Variants in ALX1 observed in about 807,000 individuals in gnomAD.
The protein encoded by ALX1 is ALX homeobox protein 1.
In ALX1, 19 loss-of-function variants were observed where a neutral mutation model predicts 31.7. That is an observed-to-expected ratio of 0.60 (90% confidence interval 0.42 to 0.88). The LOEUF is 0.88. Among genes scored for constraint, ALX1 ranks in the 40% least tolerant of loss-of-function variants. The pLI is 0.00. For missense variants in ALX1, 415 were observed against 407.8 expected (o/e 1.02, Z -0.15); for synonymous variants, 153 against 148.8 (o/e 1.03, Z -0.20).
Position 85,301,663 on chromosome 12 carries a change from A to G in ALX1, c.*188A>G. ...AAGAATGAACCTCTGAAAAGACTAA[A>G]TAGGTTTACCATGTGCCAGTCTCCA... On this transcript the variant is annotated 3_prime_UTR_variant, in exon 4 of 4. Coordinates refer to ENST00000316824, the MANE Select transcript of ALX1 (RefSeq NM_006982.3). The G allele has an allele frequency of 1.5e-6, 1 of 685,592 alleles. No homozygotes were observed. The highest frequency in any genetic ancestry group is 2.0e-5 in the South Asian group (1 of 50,932). 42.5% of individuals were successfully genotyped at this position (685,592 alleles called of 1,614,324 possible). A position where few individuals can be genotyped will look rare whatever the true frequency, so the allele number is the denominator to read the frequency against.
intron 3 of ALX1, among the ~76,000 whole-genome samples, chr12:85,292,925 A>C (rs1896837524): frequency 6.6e-6 from 1 of 150,878 alleles, no homozygotes; most frequent in African/African-American, 2.4e-5. Flanking sequence ...TGAAGTAAAC[A>C]AACCAAAATC....
Position 85,301,338 on chromosome 12 carries a change from AC to A in ALX1, c.845del (p.Thr282MetfsTer32). ...CCACGTGCCCCTCAACAATTTTTTC[AC>A]TGACTCTCTTCTTACTGGGGCAACC... ...FSHVPLNNFF[T>X]DSLLTGATNG... On this transcript the variant is annotated frameshift_variant, in exon 4 of 4. Coordinates refer to ENST00000316824, the MANE Select transcript of ALX1 (RefSeq NM_006982.3). LOFTEE classifies it high-confidence loss of function. 6.2e-7 allele frequency: 1 copy of A among 1,614,088 alleles called. No individual in the cohort carries two copies. Among genetic ancestry groups the A allele is most frequent in the Non-Finnish European group, 8.5e-7 (1 of 1,179,974 alleles).
intron 3 of ALX1, among the ~76,000 whole-genome samples, chr12:85,299,391 A>C (rs1342520670): frequency 8.6e-5 from 13 of 151,614 alleles, no homozygotes; most frequent in African/African-American, 3.1e-4. Context: ...CATATAGTAG[A>C]ATGAGCCAGA....
intron 2 of ALX1, 21 bp downstream of exon 2, chr12:85,283,897 T>A (rs759784242): frequency 6.2e-7 from 1 of 1,612,164 alleles, no homozygotes; most frequent in African/African-American, 1.3e-5. Context: ...AAAAGAGGCC[T>A]TGATGGATGG....
rs141417534 is a variant in ALX1, at chr12:85,290,264, A to G, written c.660+3283A>G. On this transcript the variant is annotated intron_variant, in intron 3 of 3. Coordinates refer to ENST00000316824, the MANE Select transcript of ALX1 (RefSeq NM_006982.3). ...GTAACAGTAAAAATAATTACTAATA[A>G]TTGGGGGCATATTTAAAGCCAGACA... Among the ~76,000 whole-genome samples, 616 of 151,146 alleles carry G rather than the reference A, an allele frequency of 4.1e-3. 2 individuals are homozygous for G. Among genetic ancestry groups the G allele is most frequent in the African/African-American group, 0.014 (586 of 41,424 alleles).
At position 85,301,283 on chromosome 12, in the gene ALX1, G is replaced by A. The variant is rs1376568687; in HGVS notation, c.789G>A (p.Thr263=). ...SHSPRTDSSY[T]GFSNHQNQFS... ...CGCCTCGGACAGATTCCAGTTACAC[G>A]GGGTTTTCAAACCACCAGAACCAGT... Residue 263 remains threonine (T), a synonymous_variant, in exon 4 of 4, where the codon ACG becomes ACA. Coordinates refer to ENST00000316824, the MANE Select transcript of ALX1 (RefSeq NM_006982.3). 2.5e-6 allele frequency: 4 copies of A among 1,613,794 alleles called. No individual in the cohort carries two copies. Among genetic ancestry groups the A allele is most frequent in the South Asian group, 2.2e-5 (2 of 91,074 alleles).
intron 3 of ALX1, among the ~76,000 whole-genome samples, chr12:85,293,594 CTG>C (rs1896847665): frequency 6.6e-6 from 1 of 151,022 alleles, no homozygotes; most frequent in East Asian, 1.9e-4. Flanking sequence ...TCTAATGTGA[CTG>C]TACACAGTAA....
At chr12:85,284,195 C>T (rs1034005270) in intron 2 of ALX1, among the ~76,000 whole-genome samples, 2 of 147,480 alleles carry the variant, frequency 1.4e-5, no homozygotes, top group Non-Finnish European at 3.0e-5. Context: ...AGAATCATGA[C>T]TATTTAGTAA....
intron 2 of ALX1, among the ~76,000 whole-genome samples, chr12:85,286,231 A>G (rs1024973153): frequency 2.6e-5 from 4 of 151,842 alleles, no homozygotes; most frequent in Non-Finnish European, 5.9e-5. Context: ...CTTTTTACCT[A>G]TAATTCTTGT....
rs558464126 is a variant in ALX1 at position 85,288,522 on chromosome 12, C to T, written c.660+1541C>T. Reference sequence around the variant, plus strand: ...GTGCCGTTAGTTTCTAAACAAAATTCTGTAAAAATCTTTCCCCTCTAGGCT... The same window carrying T: ...GTGCCGTTAGTTTCTAAACAAAATTTTGTAAAAATCTTTCCCCTCTAGGCT... On this transcript the variant is annotated intron_variant, in intron 3 of 3. Coordinates refer to ENST00000316824, the MANE Select transcript of ALX1 (RefSeq NM_006982.3). Among the ~76,000 whole-genome samples the T allele has an allele frequency of 3.3e-5, 5 of 151,496 alleles. No homozygotes were observed. The South Asian group carries it at 1.0e-3, about 31-fold the overall frequency.
chr12:85,293,261 G>A lies in ALX1; in HGVS notation c.660+6280G>A, dbSNP rs183217892. Among the ~76,000 whole-genome samples the A allele has an allele frequency of 1.8e-3, 267 of 147,728 alleles. 2 individuals carry two copies. Among genetic ancestry groups the A allele is most frequent in the African/African-American group, 6.4e-3 (250 of 39,250 alleles). ...ATGAATAAAATATTTATATATGTAT[G>A]TGTGTATATATATATATAAGTTATG... On this transcript the variant is annotated intron_variant, in intron 3 of 3. Transcript: ENST00000316824.
At chr12:85,301,106 C>G in intron 3 of ALX1, 49 bp from the exon 4 acceptor site, 2 of 1,603,790 alleles carry the variant, frequency 1.2e-6, no homozygotes, top group Non-Finnish European at 1.7e-6. Context: ...AGTAAGAGAA[C>G]AAAAGTGAGA....
At position 85,299,367 on chromosome 12, in the gene ALX1, C is replaced by T. The variant is rs188477914; in HGVS notation, c.661-1788C>T. On this transcript the variant is annotated intron_variant, in intron 3 of 3. Coordinates refer to ENST00000316824, the MANE Select transcript of ALX1 (RefSeq NM_006982.3). ...CACTGATACCAGTCATTATGTTTTG[C>T]CTAAAGTGGAACACATATAGTAGAA... Among the ~76,000 whole-genome samples the T allele has an allele frequency of 3.4e-4, 52 of 151,056 alleles. No individual in the cohort carries two copies. In the East Asian group the frequency reaches 0.01, roughly 29 times the overall value.
intron 2 of ALX1, among the ~76,000 whole-genome samples, chr12:85,285,387 A>G (rs888908414): frequency 6.6e-6 from 1 of 152,052 alleles, no homozygotes; most frequent in African/African-American, 2.4e-5. Context: ...CCAAAAACGT[A>G]TTACTAAATT....
Position 85,280,467 on chromosome 12 carries a change from C to A in ALX1, c.206C>A (p.Ser69Ter). 1 of 1,611,330 alleles carries A rather than the reference C, an allele frequency of 6.2e-7. No homozygotes were observed. Among genetic ancestry groups the A allele is most frequent in the East Asian group, 2.2e-5 (1 of 44,846 alleles). The change falls in exon 1 of 4, where the codon TCG becomes TAG. Residue 69 changes from serine (S) to a stop codon, truncating the protein, a stop_gained. Transcript: ENST00000316824. LOFTEE classifies it high-confidence loss of function. ...AEHHVRLERTSPCQDSSVNYG... is the reference protein window; with the variant it reads ...AEHHVRLERT ...CATCACGTGCGCTTGGAGAGGACCTCGCCCTGTCAGGACAGCAGCGGTGAG... is the reference window on the plus strand; with the variant it reads ...CATCACGTGCGCTTGGAGAGGACCTAGCCCTGTCAGGACAGCAGCGGTGAG...
chr12:85,295,943 GTGT>G (rs143906155), intron 3 of ALX1, among the ~76,000 whole-genome samples: 3,495 of 151,648 alleles, frequency 0.023, 131 homozygotes, highest in African/African-American at 0.08. Context: ...AAATTTGATA[GTGT>G]TGTTTCTTCT....
In ALX1 at chr12:85,301,637, T is replaced by A; in HGVS notation, c.*162T>A. ...ATAGTTGTTATTTAACATTAAAATCTAAGAATGAACCTCTGAAAAGACTAA... is the reference window on the plus strand; with the variant it reads ...ATAGTTGTTATTTAACATTAAAATCAAAGAATGAACCTCTGAAAAGACTAA... On this transcript the variant is annotated 3_prime_UTR_variant, in exon 4 of 4. Coordinates refer to ENST00000316824, the MANE Select transcript of ALX1 (RefSeq NM_006982.3). 1 of 786,286 alleles carries A rather than the reference T, an allele frequency of 1.3e-6. No individual in the cohort carries two copies. Among genetic ancestry groups the A allele is most frequent in the Non-Finnish European group, 2.0e-6 (1 of 498,680 alleles). The allele number at this position is 786,286 out of a possible 1,614,324, so 48.7% of individuals were successfully genotyped here. A position where few individuals can be genotyped will look rare whatever the true frequency, so the allele number is the denominator to read the frequency against.
chr12:85,289,027 G>T (rs1309600473), intron 3 of ALX1, among the ~76,000 whole-genome samples: 1 of 151,286 alleles, frequency 6.6e-6, no homozygotes, highest in Non-Finnish European at 1.5e-5. Flanking sequence ...CTCTTACTAA[G>T]TATATTCCAC....
At chr12:85,292,261 A>C (rs1896828194) in intron 3 of ALX1, among the ~76,000 whole-genome samples, 1 of 151,106 alleles carries the variant, frequency 6.6e-6, no homozygotes, top group Admixed American at 6.6e-5. Context: ...TTTCCTTTTT[A>C]AATTGAAAAC....
Sources: allele counts gnomAD v4.1 joint callset (sites outside exome capture counted in the v4.1 genomes callset), GRCh38; gene constraint gnomAD v4.1.1; transcripts MANE v1.5; gene names NCBI Gene and HGNC (gene_info 2026-07-23, HGNC 2026-07-21).